The following NEGR1 variants were observed in gnomAD, a reference collection of about 807,000 sequenced individuals.
NEGR1 encodes the protein IgLON family member 4.
A neutral mutation model predicts 40.9 loss-of-function variants in NEGR1; 10 were observed. The observed-to-expected ratio is 0.24, with a 90% CI of 0.15 to 0.42. NEGR1 has a LOEUF of 0.42. NEGR1 is among the 10% of genes least tolerant of loss of function. The pLI is 1.00. For synonymous variants in NEGR1, 185 were observed against 166.8 expected (o/e 1.11, Z -0.84); for missense variants, 352 against 438.9 (o/e 0.80, Z 1.77).
chr1:71,893,965 C>T (rs1390582892), intron 2 of NEGR1, among the ~76,000 whole-genome samples: 5 of 48,602 alleles, frequency 1.0e-4, no homozygotes, highest in Non-Finnish European at 1.6e-4. Context: ...AGTAAACTAT[C>T]GCAAGAACAA....
intron 1 of NEGR1, among the ~76,000 whole-genome samples, chr1:72,249,236 C>T (rs1216500041): frequency 1.3e-5 from 2 of 152,314 alleles, no homozygotes; most frequent in Non-Finnish European, 2.9e-5. Context: ...GAAAATGTAT[C>T]ATCACTAGAC....
intron 6 of NEGR1, among the ~76,000 whole-genome samples, chr1:71,510,131 T>C (rs567304493): frequency 6.6e-6 from 1 of 152,322 alleles, no homozygotes; most frequent in Admixed American, 6.5e-5. Context: ...GAATGGTGGC[T>C]TCAATCCTTA....
chr1:72,079,981 A>T (rs2821264), intron 1 of NEGR1, among the ~76,000 whole-genome samples: 148,897 of 152,160 alleles, frequency 0.98, 72,945 homozygotes, highest in Middle Eastern at 1. Flanking sequence ...GTAATTGCTA[A>T]GGCTTCTTTC....
intron 1 of NEGR1, among the ~76,000 whole-genome samples, chr1:72,213,759 A>G (rs2100467489): frequency 6.6e-6 from 1 of 152,158 alleles, no homozygotes; most frequent in African/African-American, 2.4e-5. Context: ...AAGACCAGAC[A>G]GATTCACAGC....
chr1:71,601,754 A>G (rs974532008), intron 5 of NEGR1, among the ~76,000 whole-genome samples: 4 of 152,194 alleles, frequency 2.6e-5, no homozygotes, highest in African/African-American at 9.6e-5. Flanking sequence ...GAGTTAAAAA[A>G]TGGGTACACA....
chr1:72,157,394 G>T (rs182755314), intron 1 of NEGR1, among the ~76,000 whole-genome samples: 9 of 152,148 alleles, frequency 5.9e-5, no homozygotes. Flanking sequence ...GATACATTTA[G>T]TATAAATGTT....
chr1:72,112,263 G>T (rs537730971), intron 1 of NEGR1, among the ~76,000 whole-genome samples: 3 of 125,558 alleles, frequency 2.4e-5, no homozygotes, highest in South Asian at 2.4e-4. Context: ...ACACTTTTAC[G>T]TTTAAAAAAA....
intron 6 of NEGR1, among the ~76,000 whole-genome samples, chr1:71,476,120 T>C (rs1401031409): frequency 6.6e-6 from 1 of 152,056 alleles, no homozygotes; most frequent in African/African-American, 2.4e-5. Context: ...ATATGTGTCA[T>C]TTTTTAAAAA....
chr1:72,154,518 A>G (rs1651288536), intron 1 of NEGR1, among the ~76,000 whole-genome samples: 1 of 151,958 alleles, frequency 6.6e-6, no homozygotes, highest in African/African-American at 2.4e-5. Context: ...AATGAGAACG[A>G]TTCTAGGAAT....
At chr1:71,507,492 T>C (rs11811674) in intron 6 of NEGR1, among the ~76,000 whole-genome samples, 6,136 of 152,260 alleles carry the variant, frequency 0.04, 406 homozygotes, top group African/African-American at 0.14. Context: ...TAAACAAGTA[T>C]GCAAAAGTTA....
intron 3 of NEGR1, among the ~76,000 whole-genome samples, chr1:71,734,861 T>C (rs530041367): frequency 2.6e-5 from 4 of 152,244 alleles, no homozygotes; most frequent in African/African-American, 4.8e-5. Context: ...TCTTGCATTG[T>C]CCTCTTCAGT....
In NEGR1 at chr1:71,568,918, ATTTTTTT is replaced by A. The variant is rs1301098957; in HGVS notation, c.940+23892_940+23898del. On this transcript the variant is annotated intron_variant, in intron 6 of 6. Coordinates refer to ENST00000357731, the MANE Select transcript of NEGR1 (RefSeq NM_173808.3). Reference sequence around the variant, plus strand: ...CCTCAGGGGCAATGATCCTTTTGTAATTTTTTTTTTTTTTTTGGAGACGGAGTCTCGC... The same window carrying A: ...CCTCAGGGGCAATGATCCTTTTGTAATTTTTTTTTGGAGACGGAGTCTCGC... Among the ~76,000 whole-genome samples the A allele has an allele frequency of 9.6e-3, 1,145 of 119,788 alleles. 28 individuals are homozygous for A. The highest frequency in any genetic ancestry group is 0.032 in the African/African-American group (1,098 of 33,934). 78.6% of individuals were successfully genotyped at this position (119,788 alleles called of 152,430 possible).
At chr1:72,214,802 C>A (rs770875305) in intron 1 of NEGR1, among the ~76,000 whole-genome samples, 4 of 150,338 alleles carry the variant, frequency 2.7e-5, no homozygotes, top group Admixed American at 6.6e-5. Flanking sequence ...TTTATAGATT[C>A]AATGCTATTC....
At chr1:71,867,996 C>A (rs921740020) in intron 2 of NEGR1, among the ~76,000 whole-genome samples, 2 of 152,112 alleles carry the variant, frequency 1.3e-5, no homozygotes, top group African/African-American at 2.4e-5. Context: ...TATTAATTTT[C>A]TATCAGATAT....
intron 1 of NEGR1, among the ~76,000 whole-genome samples, chr1:71,983,359 C>T (rs1462799460): frequency 3.3e-5 from 5 of 152,074 alleles, no homozygotes; most frequent in East Asian, 1.9e-4. Flanking sequence ...TAATGGAAAG[C>T]GCTTATTTCT....
intron 2 of NEGR1, among the ~76,000 whole-genome samples, chr1:71,790,617 T>C (rs570563369): frequency 7.9e-5 from 12 of 152,016 alleles, no homozygotes; most frequent in Admixed American, 2.6e-4. Context: ...AGAATTCAGG[T>C]GATTATAATA....
intron 3 of NEGR1, among the ~76,000 whole-genome samples, chr1:71,743,419 T>G (rs999864456): frequency 6.6e-6 from 1 of 151,728 alleles, no homozygotes; most frequent in Admixed American, 6.6e-5. Context: ...TTTTTTTTTT[T>G]CCAAAGGCAG....
At chr1:72,155,014 T>C (rs1361514406) in intron 1 of NEGR1, among the ~76,000 whole-genome samples, 1 of 152,026 alleles carries the variant, frequency 6.6e-6, no homozygotes, top group Non-Finnish European at 1.5e-5. Context: ...AAAAAATACA[T>C]GGTAGAAAAT....
chr1:71,829,805 C>T (rs1658775167), intron 2 of NEGR1, among the ~76,000 whole-genome samples: 1 of 151,946 alleles, frequency 6.6e-6, no homozygotes, highest in African/African-American at 2.4e-5. Context: ...ATGTGTAGTT[C>T]CATCCTAAAT....
Sources: allele counts gnomAD v4.1 joint callset (sites outside exome capture counted in the v4.1 genomes callset), GRCh38; gene constraint gnomAD v4.1.1; transcripts MANE v1.5; gene names NCBI Gene and HGNC (gene_info 2026-07-23, HGNC 2026-07-21).